Variants in SVOPL observed in about 807,000 individuals in gnomAD.
The protein encoded by SVOPL is putative transporter SVOPL.
In SVOPL, 60 loss-of-function variants were observed where a neutral mutation model predicts 61.0. The observed-to-expected ratio is 0.98, with a 90% CI of 0.80 to 1.22. The LOEUF is 1.22. SVOPL is among the 50% of genes most tolerant of loss of function. SVOPL has a pLI of 0.00. For synonymous variants in SVOPL, 279 were observed against 250.0 expected (o/e 1.12, Z -1.09); for missense variants, 662 against 643.9 (o/e 1.03, Z -0.30).
At chr7:138,639,737 G>C (rs1363020400) in intron 9 of SVOPL, among the ~76,000 whole-genome samples, 1 of 152,050 alleles carries the variant, frequency 6.6e-6, no homozygotes, top group East Asian at 1.9e-4. Flanking sequence ...CCTGTTGTCC[G>C]GGCTACTAAA....
chr7:138,598,409 C>A (rs886252403), intron 14 of SVOPL, among the ~76,000 whole-genome samples: 7 of 152,208 alleles, frequency 4.6e-5, no homozygotes, highest in African/African-American at 1.7e-4. Flanking sequence ...CCTACCTCAA[C>A]AATTGATAGG....
At chr7:138,681,899 A>G (rs150089119) in intron 1 of SVOPL, among the ~76,000 whole-genome samples, 58 of 152,268 alleles carry the variant, frequency 3.8e-4, no homozygotes, top group African/African-American at 1.3e-3. Context: ...AGAAAAACTA[A>G]TGACTGCCAA....
Position 138,667,362 on chromosome 7 carries a change from TTCTA to T in SVOPL, c.274-4221_274-4218del, listed in dbSNP as rs201388657. Among the ~76,000 whole-genome samples the T allele has an allele frequency of 4.5e-3, 691 of 152,324 alleles. 5 individuals are homozygous for T. Among genetic ancestry groups the T allele is most frequent in the African/African-American group, 0.016 (671 of 41,576 alleles). ...GGACATGTCCATTGTAACTTAGGTT[TTCTA>T]TCTAAGTCTAGCTTCTACAACTAAC... On this transcript the variant is annotated intron_variant, in intron 4 of 15. Transcript: ENST00000674285.
chr7:138,700,513 G>A (rs531722652), intron 1 of SVOPL, among the ~76,000 whole-genome samples: 1 of 151,820 alleles, frequency 6.6e-6, no homozygotes, highest in Non-Finnish European at 1.5e-5. Flanking sequence ...TAATTTTTTT[G>A]TATTTTTAGT....
chr7:138,622,216 A>ATGTG (rs1799679359), intron 13 of SVOPL, among the ~76,000 whole-genome samples: 1 of 110,156 alleles, frequency 9.1e-6, no homozygotes, highest in African/African-American at 3.4e-5. Context: ...CTATCTATCT[A>ATGTG]TCTATGTATC....
intron 7 of SVOPL, among the ~76,000 whole-genome samples, chr7:138,649,974 G>A (rs1801337176): frequency 6.6e-6 from 1 of 152,098 alleles, no homozygotes; most frequent in South Asian, 2.1e-4. Context: ...TGGCATTATA[G>A]GCGCGTGCCA....
At position 138,625,990 on chromosome 7, in the gene SVOPL, G is replaced by A. The variant is rs377766025; in HGVS notation, c.1242C>T (p.Thr414=). 1.9e-5 allele frequency: 31 copies of A among 1,613,964 alleles called. No homozygotes were observed. Among genetic ancestry groups the A allele is most frequent in the Admixed American group, 1.5e-4 (9 of 59,996 alleles). ...LRALVAANFN[T]VYIYTAEVYP... The stretch of plus-strand genomic sequence containing the variant: ...TCACCTCAGCTGTGTAAATGTAGAC[G>A]GTGTTGAAGTTTGCAGCTACCAGAG... The change falls in exon 13 of 16, where the codon ACC becomes ACT. Residue 414 remains threonine, a synonymous_variant. Coordinates refer to ENST00000674285, the MANE Select transcript of SVOPL (RefSeq NM_001139456.2).
rs548041268 is a variant in SVOPL at position 138,677,020 on chromosome 7, C to T, written c.174+1414G>A. 2.0e-5 allele frequency among the ~76,000 whole-genome samples: 3 copies of T among 151,412 alleles called. No individual in the cohort carries two copies. The South Asian group carries it at 6.3e-4, about 32-fold the overall frequency. On this transcript the variant is annotated intron_variant, in intron 3 of 15. Coordinates refer to ENST00000674285, the MANE Select transcript of SVOPL (RefSeq NM_001139456.2). ...CCGGATTCACGCCATTCTCCTGCCT[C>T]AGCCTCCCGAGTAGCTGGGACTACA...
chr7:138,600,838 G>A (rs769029067), intron 14 of SVOPL, among the ~76,000 whole-genome samples: 4 of 152,164 alleles, frequency 2.6e-5, no homozygotes, highest in African/African-American at 4.8e-5. Flanking sequence ...TGGCGAGAAT[G>A]TAGAGAAAGG....
chr7:138,642,848 A>AAAAAAAAAAAAAAAAAAAAAAG (rs1437306629), intron 9 of SVOPL, among the ~76,000 whole-genome samples: 1 of 35,448 alleles, frequency 2.8e-5, no homozygotes, highest in African/African-American at 5.5e-5. Flanking sequence ...AAAAAAAAAA[A>AAAAAAAAAAAAAAAAAAAAAAG]AAGAAGAAAC....
intron 13 of SVOPL, among the ~76,000 whole-genome samples, chr7:138,622,224 ATCT>A (rs1799682180): frequency 2.2e-5 from 3 of 134,012 alleles, no homozygotes; most frequent in East Asian, 2.5e-4. Context: ...CTATCTATGT[ATCT>A]ATCTATGTAT....
chr7:138,675,305 T>C (rs1348416146), intron 3 of SVOPL, among the ~76,000 whole-genome samples: 1 of 152,158 alleles, frequency 6.6e-6, no homozygotes, highest in Non-Finnish European at 1.5e-5. Context: ...TTTTGAAAGA[T>C]GCATCAAACT....
chr7:138,662,341 C>A (rs1802036289), intron 5 of SVOPL: 2 of 985,430 alleles, frequency 2.0e-6, no homozygotes, highest in Non-Finnish European at 2.4e-6. Flanking sequence ...TCATTTGTGG[C>A]CAGTTCCTGC....
chr7:138,623,858 T>C (rs1466347539), intron 13 of SVOPL, among the ~76,000 whole-genome samples: 1 of 152,198 alleles, frequency 6.6e-6, no homozygotes, highest in African/African-American at 2.4e-5. Flanking sequence ...AGTCTCTCTG[T>C]CACCGGGCTG....
At chr7:138,603,596 C>T (rs1245339358) in intron 14 of SVOPL, among the ~76,000 whole-genome samples, 1 of 152,108 alleles carries the variant, frequency 6.6e-6, no homozygotes, top group Admixed American at 6.6e-5. Context: ...TGCTTGAACC[C>T]GGCAGGCAGA....
Position 138,622,278 on chromosome 7 carries a change from C to CTATCTATG in SVOPL, c.1264-1144_1264-1143insCATAGATA, listed in dbSNP as rs1554457354. On this transcript the variant is annotated intron_variant, in intron 13 of 15. Transcript: ENST00000674285. ...TGTATCTATCTATCTATGTATCTAT[C>CTATCTATG]TATCTATCTATCTATCTATCTATCT... Among the ~76,000 whole-genome samples the CTATCTATG allele has an allele frequency of 5.8e-5, 8 of 137,898 alleles. 1 individual carries two copies. In the South Asian group the frequency reaches 1.3e-3, roughly 22 times the overall value. 90.5% of individuals were successfully genotyped at this position (137,898 alleles called of 152,430 possible). A position where few individuals can be genotyped will look rare whatever the true frequency, so the allele number is the denominator to read the frequency against.
chr7:138,653,932 CAAAAAA>C (rs34826230), intron 7 of SVOPL, among the ~76,000 whole-genome samples: 3 of 132,618 alleles, frequency 2.3e-5, no homozygotes, highest in South Asian at 2.5e-4. Context: ...GACTCTGTCT[CAAAAAA>C]AAAAAAAAAA....
chr7:138,617,558 A>G (rs1799355456), intron 14 of SVOPL, among the ~76,000 whole-genome samples: 1 of 152,272 alleles, frequency 6.6e-6, no homozygotes, highest in South Asian at 2.1e-4. Flanking sequence ...TAAAAATATA[A>G]GTAACTGAGG....
chr7:138,609,201 A>G (rs192822752), intron 14 of SVOPL, among the ~76,000 whole-genome samples: 39 of 152,330 alleles, frequency 2.6e-4, no homozygotes, highest in East Asian at 3.9e-4. Flanking sequence ...TCTGTGGCCG[A>G]TATGTGAAGC....
Sources: gnomAD v4.1 joint callset for allele counts (sites outside exome capture counted in the v4.1 genomes callset) on GRCh38, gnomAD v4.1.1 for gene constraint, MANE v1.5 for transcripts, NCBI Gene and HGNC (gene_info 2026-07-23, HGNC 2026-07-21) for gene names.